Variants in CDC42BPA observed in about 807,000 individuals in gnomAD.
CDC42BPA encodes serine/threonine-protein kinase MRCK alpha.
CDC42BPA carries 80 observed loss-of-function variants against 223.5 expected under a neutral mutation model. The observed-to-expected ratio is 0.36, with a 90% CI of 0.30 to 0.43. The LOEUF (loss-of-function observed/expected upper bound fraction) is 0.43, where lower values mean the gene tolerates loss of function less well. Ranked by LOEUF, CDC42BPA falls within the 20% of genes least tolerant of loss-of-function variation. The pLI is 1.00. For missense variants in CDC42BPA, 1,743 were observed against 2,099.9 expected, an observed-to-expected ratio of 0.83 and a Z score of 3.32; for synonymous variants, 694 against 718.6, an observed-to-expected ratio of 0.97 and a Z score of 0.55.
At chr1:227,177,234 T>C (rs556473255) in intron 5 of CDC42BPA, among the ~76,000 whole-genome samples, 1 of 152,304 alleles carries the variant, frequency 6.6e-6, no homozygotes, top group South Asian at 2.1e-4. Context: ...CTGCTATCTT[T>C]GCCCTACATT....
At chr1:227,180,505 C>T (rs1667753268) in intron 5 of CDC42BPA, 1 of 152,072 alleles carries the variant, frequency 6.6e-6, no homozygotes, top group African/African-American at 2.4e-5. Context: ...TAATAGGGTC[C>T]TTCCAGTTTG....
intron 1 of CDC42BPA, among the ~76,000 whole-genome samples, chr1:227,313,835 G>A (rs548712415): frequency 1.4e-5 from 2 of 145,568 alleles, no homozygotes; most frequent in South Asian, 4.2e-4. Flanking sequence ...TATGCTCTAG[G>A]TACAAATTTA....
At chr1:227,100,763 T>TGC (rs1370753787) in intron 15 of CDC42BPA, among the ~76,000 whole-genome samples, 1 of 146,582 alleles carries the variant, frequency 6.8e-6, no homozygotes, top group African/African-American at 2.5e-5. Context: ...TGTGTGTGTG[T>TGC]GTGTGTGTGT....
At chr1:227,246,792 C>G (rs1156683038) in intron 2 of CDC42BPA, among the ~76,000 whole-genome samples, 5 of 152,186 alleles carry the variant, frequency 3.3e-5, no homozygotes, top group Admixed American at 3.3e-4. Context: ...CCGAAAACAT[C>G]TAAAAGCATC....
intron 1 of CDC42BPA, among the ~76,000 whole-genome samples, chr1:227,264,453 G>C (rs1001175815): frequency 1.4e-5 from 2 of 146,154 alleles, no homozygotes; most frequent in African/African-American, 5.6e-5. Flanking sequence ...AACTCCAAAA[G>C]GCCAAAACAT....
At chr1:227,256,948 G>GACACACACACACACACACACAC (rs55961981) in intron 1 of CDC42BPA, among the ~76,000 whole-genome samples, 129 of 141,106 alleles carry the variant, frequency 9.1e-4, no homozygotes, top group East Asian at 2.5e-3. Flanking sequence ...TATATATACA[G>GACACACACACACACACACACAC]ACACACACAC....
intron 6 of CDC42BPA, 139 bp from the exon 7 acceptor site, chr1:227,147,698 T>C: frequency 1.9e-6 from 1 of 521,878 alleles, no homozygotes; most frequent in East Asian, 3.0e-5. Flanking sequence ...AATCCTTGTA[T>C]ATATGTTAAA....
At chr1:227,150,465 G>C (rs1661528234) in intron 6 of CDC42BPA, among the ~76,000 whole-genome samples, 1 of 152,022 alleles carries the variant, frequency 6.6e-6, no homozygotes, top group African/African-American at 2.4e-5. Flanking sequence ...AAAAATAATT[G>C]TCAATATAGT....
At chr1:227,101,290 T>C (rs923530809) in intron 14 of CDC42BPA, 51 bp from the exon 15 acceptor site, 11 of 1,105,910 alleles carry the variant, frequency 9.9e-6, no homozygotes, top group Non-Finnish European at 1.3e-5. Context: ...TAATAAAATA[T>C]TTAAATAACT....
Position 227,005,105 on chromosome 1 carries a change from G to T in CDC42BPA, c.4864C>A (p.Arg1622=). 6.2e-7 allele frequency: 1 copy of T among 1,610,358 alleles called. No homozygotes were observed. Among genetic ancestry groups the T allele is most frequent in the Non-Finnish European group, 8.5e-7 (1 of 1,176,610 alleles). The change falls in exon 35 of 37, where the codon CGG becomes AGG. Residue 1622 remains arginine (R), a synonymous_variant. Transcript: ENST00000366766. ...AATACTGTCCGACTTTCCTGAGGCC[G>T]AGGGTTCTATAAACAAAAGCGAGAG... The part of the protein sequence containing the change: ...QILKDLPMNP[R]PQESRTVFSG...
chr1:227,141,454 A>C (rs1197918879), intron 9 of CDC42BPA, among the ~76,000 whole-genome samples: 1 of 152,222 alleles, frequency 6.6e-6, no homozygotes, highest in East Asian at 1.9e-4. Flanking sequence ...CTAGCCAGGA[A>C]GGGATGGAAG....
intron 5 of CDC42BPA, among the ~76,000 whole-genome samples, chr1:227,162,191 G>T (rs572850059): frequency 6.6e-6 from 1 of 152,020 alleles, no homozygotes; most frequent in Non-Finnish European, 1.5e-5. Flanking sequence ...TTATTTTATA[G>T]ATAGTAATTA....
intron 1 of CDC42BPA, among the ~76,000 whole-genome samples, chr1:227,277,646 A>G (rs1687328788): frequency 6.6e-6 from 1 of 152,246 alleles, no homozygotes; most frequent in Non-Finnish European, 1.5e-5. Flanking sequence ...AAAATCATTA[A>G]GATCCTCTCA....
chr1:227,214,680 AT>A (rs1290138195), intron 2 of CDC42BPA, among the ~76,000 whole-genome samples: 2 of 152,166 alleles, frequency 1.3e-5, no homozygotes, highest in African/African-American at 4.8e-5. Context: ...ACACCCTCTT[AT>A]TCTGATTGAG....
intron 2 of CDC42BPA, among the ~76,000 whole-genome samples, chr1:227,218,418 TA>T (rs1219512688): frequency 3.9e-5 from 6 of 152,210 alleles, no homozygotes; most frequent in Admixed American, 3.3e-4. Flanking sequence ...TAACAAAAAA[TA>T]ACTCTTATTT....
intron 24 of CDC42BPA, among the ~76,000 whole-genome samples, chr1:227,039,254 A>G (rs1670900720): frequency 6.6e-6 from 1 of 152,184 alleles, no homozygotes; most frequent in South Asian, 2.1e-4. Flanking sequence ...TCTGTTCTTC[A>G]GGGATGGACT....
At chr1:227,147,213 A>C in intron 7 of CDC42BPA, 146 bp downstream of exon 7, 2 of 554,014 alleles carry the variant, frequency 3.6e-6, no homozygotes, top group African/African-American at 3.8e-5. Flanking sequence ...TAATTTATGG[A>C]TTTTGACTAT....
At chr1:227,226,087 T>C (rs1038780055) in intron 2 of CDC42BPA, among the ~76,000 whole-genome samples, 1 of 152,252 alleles carries the variant, frequency 6.6e-6, no homozygotes, top group Non-Finnish European at 1.5e-5. Context: ...ACTTCTGTCC[T>C]TGTAATAAAC....
intron 16 of CDC42BPA, among the ~76,000 whole-genome samples, chr1:227,089,626 C>T (rs1417686832): frequency 1.0e-5 from 1 of 100,072 alleles, no homozygotes. Context: ...TGGGTAATTC[C>T]GTTTTTTTTT....
Sources: allele counts gnomAD v4.1 joint callset (sites outside exome capture counted in the v4.1 genomes callset), GRCh38; gene constraint gnomAD v4.1.1; transcripts MANE v1.5; gene names NCBI Gene and HGNC (gene_info 2026-07-23, HGNC 2026-07-21).